The following SLC41A2 variants were observed in gnomAD, a reference collection of about 807,000 sequenced individuals.
SLC41A2 encodes the protein solute carrier family 41 member 2, also known as SLC41A1-like 1.
SLC41A2 carries 32 observed loss-of-function variants against 58.3 expected under a neutral mutation model. The ratio of observed to expected loss-of-function variants is 0.55; its 90% CI spans 0.41 to 0.74. The LOEUF (loss-of-function observed/expected upper bound fraction) is 0.74, where lower values mean the gene tolerates loss of function less well. SLC41A2 is among the 30% of genes least tolerant of loss of function. The pLI is 0.00. For missense variants in SLC41A2, 514 were observed against 680.6 expected (o/e 0.76, Z 2.72); for synonymous variants, 190 against 235.0 (o/e 0.81, Z 1.75).
At chr12:104,947,701 T>C (rs990783333) in intron 1 of SLC41A2, among the ~76,000 whole-genome samples, 9 of 152,082 alleles carry the variant, frequency 5.9e-5, no homozygotes, top group African/African-American at 2.2e-4. Context: ...ACGGTACATA[T>C]ATATACCAAA....
Position 104,938,910 on chromosome 12 carries a change from G to C in SLC41A2, c.-167-10216C>G, listed in dbSNP as rs535887027. Among the ~76,000 whole-genome samples, 15 of 152,230 alleles carry C rather than the reference G, an allele frequency of 9.9e-5. No individual in the cohort carries two copies. In the East Asian group the frequency reaches 1.5e-3, roughly 16 times the overall value. Reference sequence around the variant, plus strand: ...ATGGACAAGGAGTTTTAAAACACTGGCTTCCAAACATTTGAATCTCAAAAA... The same window carrying C: ...ATGGACAAGGAGTTTTAAAACACTGCCTTCCAAACATTTGAATCTCAAAAA... On this transcript the variant is annotated intron_variant, in intron 1 of 10. Coordinates refer to ENST00000258538, the MANE Select transcript of SLC41A2 (RefSeq NM_001352171.3).
intron 10 of SLC41A2, among the ~76,000 whole-genome samples, chr12:104,813,164 G>A (rs755629106): frequency 6.6e-6 from 1 of 151,672 alleles, no homozygotes; most frequent in Non-Finnish European, 1.5e-5. Flanking sequence ...GGGCGACAGA[G>A]CAAGACTCTG....
At chr12:104,902,640 G>C (rs1387624922) in intron 3 of SLC41A2, among the ~76,000 whole-genome samples, 1 of 152,122 alleles carries the variant, frequency 6.6e-6, no homozygotes, top group Non-Finnish European at 1.5e-5. Flanking sequence ...CTCAAATTTA[G>C]AGGATGAGCA....
chr12:104,907,018 A>T (rs547736790), intron 3 of SLC41A2, among the ~76,000 whole-genome samples: 1 of 152,184 alleles, frequency 6.6e-6, no homozygotes, highest in South Asian at 2.1e-4. Flanking sequence ...CCTTACCGAT[A>T]TCCAAATTTA....
chr12:104,854,417 GC>G (rs1218696808), intron 8 of SLC41A2, among the ~76,000 whole-genome samples: 3 of 152,094 alleles, frequency 2.0e-5, no homozygotes, highest in African/African-American at 7.2e-5. Context: ...CAAAAAATTA[GC>G]CGGGCGTGGC....
chr12:104,900,122 G>C (rs1297377545), intron 3 of SLC41A2, among the ~76,000 whole-genome samples: 1 of 152,128 alleles, frequency 6.6e-6, no homozygotes, highest in Non-Finnish European at 1.5e-5. Context: ...GAGATCCAGG[G>C]ATAGGGGAAT....
intron 3 of SLC41A2, among the ~76,000 whole-genome samples, chr12:104,895,901 A>G (rs1391415301): frequency 6.6e-6 from 1 of 152,172 alleles, no homozygotes; most frequent in Non-Finnish European, 1.5e-5. Flanking sequence ...TTTCTGCTAA[A>G]TGGAAGAACA....
At chr12:104,931,377 A>G (rs1010661679) in intron 1 of SLC41A2, among the ~76,000 whole-genome samples, 2 of 152,172 alleles carry the variant, frequency 1.3e-5, no homozygotes, top group Non-Finnish European at 2.9e-5. Context: ...GCAGACCACA[A>G]TAATGACAAA....
At chr12:104,843,682 A>C (rs958043591) in intron 10 of SLC41A2, among the ~76,000 whole-genome samples, 10 of 152,138 alleles carry the variant, frequency 6.6e-5, no homozygotes, top group African/African-American at 2.4e-4. Flanking sequence ...AAGCAAACAC[A>C]AAAATAGAAG....
At chr12:104,894,309 C>T (rs2045174070) in intron 4 of SLC41A2, among the ~76,000 whole-genome samples, 1 of 150,436 alleles carries the variant, frequency 6.6e-6, no homozygotes, top group African/African-American at 2.5e-5. Context: ...GCCATGACTG[C>T]ACTACTGCAC....
intron 10 of SLC41A2, among the ~76,000 whole-genome samples, chr12:104,824,926 A>C (rs902819607): frequency 1.3e-5 from 2 of 152,194 alleles, no homozygotes; most frequent in African/African-American, 4.8e-5. Flanking sequence ...CTCTCTTCCG[A>C]AACTCCACCA....
rs1217069608 is a variant in SLC41A2, at chr12:104,928,278, T to C, written c.250A>G (p.Met84Val). The change falls in exon 2 of 11, where the codon ATG (methionine) becomes GTG (valine). Residue 84 changes from methionine (M) to valine (V), a missense_variant. Met to Val is a conservative substitution (Grantham distance 21). Transcript: ENST00000258538. Reference protein sequence around the residue: ...QTFSNRSEQHMEYHSFSEQSF... With the variant: ...QTFSNRSEQHVEYHSFSEQSF... ...TGCTCTGAGAAACTGTGATACTCCA[T>C]GTGTTGCTCAGATCTATTACTAAAA... is the stretch of plus-strand genomic sequence containing the variant. 1.9e-6 allele frequency: 3 copies of C among 1,613,494 alleles called. No homozygotes were observed. The highest frequency in any genetic ancestry group is 8.5e-7 in the Non-Finnish European group (1 of 1,179,490).
At chr12:104,952,434 C>T (rs1457947107) in intron 1 of SLC41A2, among the ~76,000 whole-genome samples, 2 of 152,084 alleles carry the variant, frequency 1.3e-5, no homozygotes, top group Non-Finnish European at 2.9e-5. Context: ...TAGATTGGAA[C>T]CAGGTTTTGG....
chr12:104,866,339 G>A, intron 7 of SLC41A2, 93 bp downstream of exon 7: 1 of 1,341,002 alleles, frequency 7.5e-7, no homozygotes, highest in Non-Finnish European at 9.6e-7. Context: ...TAATATGCAT[G>A]TACATATATG....
chr12:104,945,357 G>A (rs1422260105), intron 1 of SLC41A2, among the ~76,000 whole-genome samples: 11 of 150,260 alleles, frequency 7.3e-5, no homozygotes, highest in South Asian at 2.1e-4. Flanking sequence ...AAAATTAGCC[G>A]GGCGTGGTGG....
rs1055874328 is a variant in SLC41A2, at chr12:104,886,545, A to G, written c.881-106T>C. 4.2e-6 allele frequency: 5 copies of G among 1,178,900 alleles called. No individual in the cohort carries two copies. The Admixed American group carries it at 8.8e-5, about 21-fold the overall frequency. The allele number at this position is 1,178,900 out of a possible 1,614,324, so 73.0% of individuals were successfully genotyped here. ...GAAAAACAGCATATCAATTCCAGTT[A>G]GACTGCTTAGATAAGCTGACTAAAG... On this transcript the variant is annotated intron_variant, in intron 5 of 10. Coordinates refer to ENST00000258538, the MANE Select transcript of SLC41A2 (RefSeq NM_001352171.3).
At chr12:104,944,063 A>G (rs1453349180) in intron 1 of SLC41A2, among the ~76,000 whole-genome samples, 1 of 152,186 alleles carries the variant, frequency 6.6e-6, no homozygotes, top group Non-Finnish European at 1.5e-5. Flanking sequence ...GGAAAAAAGG[A>G]AAAGGAAAAA....
chr12:104,890,559 A>G (rs1172124905), intron 4 of SLC41A2, among the ~76,000 whole-genome samples: 2 of 152,234 alleles, frequency 1.3e-5, no homozygotes, highest in Non-Finnish European at 2.9e-5. Context: ...CTGAGAAAAT[A>G]AAAGCACACA....
chr12:104,872,500 G>T (rs571379293), intron 6 of SLC41A2, among the ~76,000 whole-genome samples: 2 of 152,152 alleles, frequency 1.3e-5, no homozygotes, highest in African/African-American at 2.4e-5. Flanking sequence ...TTGGGAGGCC[G>T]ACACGGGTGG....
Sources: gnomAD v4.1 joint callset for allele counts (sites outside exome capture counted in the v4.1 genomes callset) on GRCh38, gnomAD v4.1.1 for gene constraint, MANE v1.5 for transcripts, NCBI Gene and HGNC (gene_info 2026-07-23, HGNC 2026-07-21) for gene names.